The following PELI2 variants were observed in gnomAD, a reference collection of about 807,000 sequenced individuals.
The protein encoded by PELI2 is E3 ubiquitin-protein ligase pellino homolog 2.
A neutral mutation model predicts 42.3 loss-of-function variants in PELI2; 23 were observed. The ratio of observed to expected loss-of-function variants is 0.54; its 90% CI spans 0.39 to 0.77. PELI2 has a LOEUF of 0.77. Among genes scored for constraint, PELI2 ranks in the 30% least tolerant of loss-of-function variants. PELI2 has a pLI of 0.00. For synonymous variants in PELI2, 245 were observed against 212.2 expected, an observed-to-expected ratio of 1.15 and a Z score of -1.34; for missense variants, 463 against 553.2, an observed-to-expected ratio of 0.84 and a Z score of 1.64.
chr14:56,282,911 T>G (rs1889527228), intron 3 of PELI2, among the ~76,000 whole-genome samples: 1 of 152,206 alleles, frequency 6.6e-6, no homozygotes, highest in Admixed American at 6.5e-5. Context: ...TTAAAGATTT[T>G]TTTTACAGAG....
intron 2 of PELI2, among the ~76,000 whole-genome samples, chr14:56,228,493 G>C (rs1018769259): frequency 3.7e-4 from 56 of 152,100 alleles, no homozygotes; most frequent in Non-Finnish European, 5.9e-5. Flanking sequence ...AGTTAATCAT[G>C]TATTTTATAA....
intron 2 of PELI2, among the ~76,000 whole-genome samples, chr14:56,194,289 C>T (rs1375662057): frequency 6.6e-6 from 1 of 152,204 alleles, no homozygotes; most frequent in Non-Finnish European, 1.5e-5. Context: ...CGGCCCTGCA[C>T]TGCTGTTGCC....
chr14:56,243,235 T>C (rs532623254), intron 2 of PELI2, among the ~76,000 whole-genome samples: 57 of 152,254 alleles, frequency 3.7e-4, no homozygotes, highest in African/African-American at 1.3e-3. Context: ...GATTCCCCCT[T>C]GATATAAGAT....
intron 2 of PELI2, among the ~76,000 whole-genome samples, chr14:56,183,568 C>T (rs1445040114): frequency 1.3e-5 from 2 of 152,084 alleles, no homozygotes. Flanking sequence ...GTTTATGGTC[C>T]TGATCGTTGC....
chr14:56,234,439 A>T (rs1300838951), intron 2 of PELI2, among the ~76,000 whole-genome samples: 1 of 152,214 alleles, frequency 6.6e-6, no homozygotes, highest in African/African-American at 2.4e-5. Flanking sequence ...GGATGAGTTC[A>T]TGTCCTTTGT....
At chr14:56,266,061 C>T (rs1888892083) in intron 2 of PELI2, among the ~76,000 whole-genome samples, 2 of 151,988 alleles carry the variant, frequency 1.3e-5, no homozygotes, top group African/African-American at 2.4e-5. Flanking sequence ...ACTGTTGATA[C>T]ATGCATATGC....
intron 2 of PELI2, among the ~76,000 whole-genome samples, chr14:56,274,596 T>C (rs1027050192): frequency 6.6e-6 from 1 of 152,198 alleles, no homozygotes; most frequent in African/African-American, 2.4e-5. Context: ...TCTCTAGACG[T>C]ATGAACCATG....
intron 3 of PELI2, 63 bp downstream of exon 3, chr14:56,279,840 A>G: frequency 1.3e-6 from 1 of 785,306 alleles, no homozygotes; most frequent in Non-Finnish European, 2.2e-6. Flanking sequence ...TATTTTTTAT[A>G]TGTAATCAGA....
chr14:56,121,797 T>C (rs1405142466), intron 1 of PELI2, among the ~76,000 whole-genome samples: 1 of 152,252 alleles, frequency 6.6e-6, no homozygotes, highest in Non-Finnish European at 1.5e-5. Context: ...TCAAGAGCCC[T>C]TCCTGGTCTG....
At chr14:56,127,358 G>T (rs894987422) in intron 1 of PELI2, among the ~76,000 whole-genome samples, 1 of 152,192 alleles carries the variant, frequency 6.6e-6, no homozygotes, top group Non-Finnish European at 1.5e-5. Context: ...CATCCTGCAG[G>T]TACAGGATGG....
At chr14:56,171,451 T>C (rs961075081) in intron 1 of PELI2, among the ~76,000 whole-genome samples, 1 of 152,176 alleles carries the variant, frequency 6.6e-6, no homozygotes, top group Non-Finnish European at 1.5e-5. Flanking sequence ...AAATCTCTGT[T>C]CTTTATAAAT....
At chr14:56,267,868 C>G (rs1888962641) in intron 2 of PELI2, among the ~76,000 whole-genome samples, 1 of 152,252 alleles carries the variant, frequency 6.6e-6, no homozygotes, top group South Asian at 2.1e-4. Context: ...TTCTTTGGAG[C>G]TTATCCTTGT....
intron 2 of PELI2, among the ~76,000 whole-genome samples, chr14:56,233,250 CTACTT>C (rs2139775728): frequency 6.6e-6 from 1 of 152,318 alleles, no homozygotes; most frequent in African/African-American, 2.4e-5. Flanking sequence ...TTGGAAAAAA[CTACTT>C]TAAAGTTCAC....
chr14:56,156,504 A>G (rs1884570964), intron 1 of PELI2, among the ~76,000 whole-genome samples: 1 of 152,330 alleles, frequency 6.6e-6, no homozygotes, highest in East Asian at 1.9e-4. Context: ...AATCCTGAGG[A>G]CAGAATTGAA....
At chr14:56,123,334 T>C (rs1883133125) in intron 1 of PELI2, among the ~76,000 whole-genome samples, 2 of 152,308 alleles carry the variant, frequency 1.3e-5, no homozygotes, top group South Asian at 4.1e-4. Flanking sequence ...CACTCTAATT[T>C]GGGCCCAAAG....
intron 2 of PELI2, among the ~76,000 whole-genome samples, chr14:56,276,877 A>G (rs535547640): frequency 6.6e-6 from 1 of 152,336 alleles, no homozygotes; most frequent in East Asian, 1.9e-4. Context: ...AATGGGCTCA[A>G]CATTCAAAGC....
chr14:56,119,687 G>A (rs182646272), intron 1 of PELI2: 22 of 806,980 alleles, frequency 2.7e-5, no homozygotes, highest in Non-Finnish European at 3.3e-5. Context: ...TGGATATAGT[G>A]GGCAGTGAAA....
intron 2 of PELI2, among the ~76,000 whole-genome samples, chr14:56,255,569 CA>C (rs1435957875): frequency 1.3e-5 from 2 of 152,098 alleles, no homozygotes; most frequent in African/African-American, 4.8e-5. Context: ...ACCACCATAG[CA>C]CATGTATGCC....
intron 2 of PELI2, among the ~76,000 whole-genome samples, chr14:56,246,156 TTC>T (rs1287559632): frequency 9.2e-5 from 14 of 152,210 alleles, no homozygotes; most frequent in Non-Finnish European, 1.9e-4. Context: ...ACCTGGTGCG[TTC>T]TCCATGTACT....
Sources: gnomAD v4.1 joint callset for allele counts (sites outside exome capture counted in the v4.1 genomes callset) on GRCh38, gnomAD v4.1.1 for gene constraint, MANE v1.5 for transcripts, NCBI Gene and HGNC (gene_info 2026-07-23, HGNC 2026-07-21) for gene names.